EYS: variants seen among roughly 807,000 people sequenced by gnomAD.
EYS encodes protein eyes shut homolog.
Under a neutral mutation model 282.1 loss-of-function variants are expected in EYS, and 250 were observed. That is an observed-to-expected ratio of 0.89 (90% confidence interval 0.80 to 0.98). The LOEUF (loss-of-function observed/expected upper bound fraction) is 0.98. Ranked by LOEUF, EYS falls within the 50% of genes least tolerant of loss-of-function variation. EYS has a pLI of 0.00. For synonymous variants in EYS, 1,355 were observed against 1,282.9 expected (o/e 1.06, Z -1.20); for missense variants, 4,016 against 3,709.0 (o/e 1.08, Z -2.15).
intron 26 of EYS, among the ~76,000 whole-genome samples, chr6:64,474,692 G>A (rs915635698): frequency 6.6e-6 from 1 of 152,132 alleles, no homozygotes; most frequent in African/African-American, 2.4e-5. Flanking sequence ...TCAGAAGAAG[G>A]TCTTTGTTAA....
chr6:65,032,244 A>G (rs77580443), intron 13 of EYS, among the ~76,000 whole-genome samples: 2,378 of 152,310 alleles, frequency 0.016, 56 homozygotes, highest in African/African-American at 0.054. Context: ...AAATTGAATC[A>G]GAAAAGCCTA....
intron 41 of EYS, among the ~76,000 whole-genome samples, chr6:63,730,836 A>T (rs1014170020): frequency 6.6e-6 from 1 of 152,104 alleles, no homozygotes; most frequent in African/African-American, 2.4e-5. Flanking sequence ...CCTGGCCAAC[A>T]TGATGAAACC....
intron 5 of EYS, among the ~76,000 whole-genome samples, chr6:65,466,346 C>A (rs540952830): frequency 6.6e-6 from 1 of 151,620 alleles, no homozygotes; most frequent in African/African-American, 2.4e-5. Context: ...ATATAAAATA[C>A]GACATTAAGC....
At chr6:65,027,570 T>C (rs1772459596) in intron 13 of EYS, among the ~76,000 whole-genome samples, 1 of 152,328 alleles carries the variant, frequency 6.6e-6, no homozygotes, top group Non-Finnish European at 1.5e-5. Context: ...ACAATCCCAA[T>C]CTCAACTTTC....
chr6:64,183,338 G>A (rs985475797), intron 31 of EYS, among the ~76,000 whole-genome samples: 1 of 152,146 alleles, frequency 6.6e-6, no homozygotes, highest in Non-Finnish European at 1.5e-5. Context: ...AGCTAGATTA[G>A]TGCCCTACTC....
chr6:63,888,754 T>C (rs1309546717), intron 35 of EYS, among the ~76,000 whole-genome samples: 1 of 152,176 alleles, frequency 6.6e-6, no homozygotes, highest in East Asian at 1.9e-4. Flanking sequence ...CACAACTTCG[T>C]GTAAGCAAGG....
chr6:64,854,292 C>T (rs1765981188), intron 19 of EYS, among the ~76,000 whole-genome samples: 2 of 152,142 alleles, frequency 1.3e-5, no homozygotes, highest in South Asian at 2.1e-4. Flanking sequence ...TATAAAGACA[C>T]ATGCACATGT....
intron 13 of EYS, among the ~76,000 whole-genome samples, chr6:65,013,238 A>T (rs1304553618): frequency 6.6e-6 from 1 of 152,190 alleles, no homozygotes; most frequent in Non-Finnish European, 1.5e-5. Flanking sequence ...ATAATCTATT[A>T]CATAGCTGAA....
rs532848543 is a variant in EYS at position 64,073,754 on chromosome 6, T to TTA, written c.6572-7265_6572-7264dup. On this transcript the variant is annotated intron_variant, in intron 32 of 42. Transcript: ENST00000503581. ...TGTAGACATCAAGCAATGTGAATCT[T>TTA]TATATATATGTGTGTGTGTGTGCAT... Among the ~76,000 whole-genome samples, 529 of 151,678 alleles carry TTA rather than the reference T, an allele frequency of 3.5e-3. 3 individuals are homozygous for TTA. Among genetic ancestry groups the TTA allele is most frequent in the Non-Finnish European group, 4.2e-3 (287 of 67,718 alleles).
At chr6:64,502,014 C>G (rs1777061910) in intron 26 of EYS, among the ~76,000 whole-genome samples, 1 of 152,136 alleles carries the variant, frequency 6.6e-6, no homozygotes, top group Non-Finnish European at 1.5e-5. Context: ...TAATATAACA[C>G]CGATCTCATA....
intron 28 of EYS, among the ~76,000 whole-genome samples, chr6:64,395,287 T>G (rs1223699464): frequency 6.6e-6 from 1 of 152,146 alleles, no homozygotes; most frequent in African/African-American, 2.4e-5. Flanking sequence ...ACTGGGTATA[T>G]ACCCAAAGGA....
chr6:64,717,845 T>C (rs1436714641), intron 22 of EYS, among the ~76,000 whole-genome samples: 9 of 152,184 alleles, frequency 5.9e-5, no homozygotes, highest in Admixed American at 5.9e-4. Context: ...GGCCACACTA[T>C]GAGAGTCACT....
intron 12 of EYS, among the ~76,000 whole-genome samples, chr6:65,215,180 T>A (rs1046658386): frequency 5.9e-5 from 9 of 152,164 alleles, no homozygotes; most frequent in Non-Finnish European, 1.2e-4. Context: ...AGATAGTGAT[T>A]CCACTTATGG....
intron 12 of EYS, among the ~76,000 whole-genome samples, chr6:65,254,120 T>C (rs141373146): frequency 3.1e-4 from 47 of 152,006 alleles, no homozygotes; most frequent in African/African-American, 1.1e-3. Context: ...TTTATTTTGA[T>C]ACACAGATTT....
At chr6:64,160,209 A>AT (rs1338799521) in intron 31 of EYS, among the ~76,000 whole-genome samples, 3 of 152,294 alleles carry the variant, frequency 2.0e-5, no homozygotes, top group African/African-American at 7.2e-5. Flanking sequence ...CACTTTTGGG[A>AT]TATGGGAACA....
intron 12 of EYS, among the ~76,000 whole-genome samples, chr6:65,197,259 G>T (rs188428779): frequency 6.6e-6 from 1 of 152,218 alleles, no homozygotes; most frequent in East Asian, 1.9e-4. Flanking sequence ...ATAAATACCA[G>T]GATGGACATA....
At chr6:64,405,272 A>G (rs1261711358) in intron 28 of EYS, among the ~76,000 whole-genome samples, 1 of 152,182 alleles carries the variant, frequency 6.6e-6, no homozygotes, top group Non-Finnish European at 1.5e-5. Context: ...TTGGGAAATT[A>G]GAACAAAGTT....
chr6:63,970,984 G>A (rs1222698254), intron 35 of EYS, among the ~76,000 whole-genome samples: 1 of 152,178 alleles, frequency 6.6e-6, no homozygotes, highest in Non-Finnish European at 1.5e-5. Context: ...CGTTTGAGAA[G>A]CAATATTAAG....
At chr6:64,627,762 ACTTT>A (rs1165311866) in intron 22 of EYS, among the ~76,000 whole-genome samples, 14 of 152,154 alleles carry the variant, frequency 9.2e-5, no homozygotes, top group Admixed American at 2.0e-4. Context: ...CTAGCTGAAG[ACTTT>A]CTTGACCAAC....
Sources: allele counts gnomAD v4.1 joint callset (sites outside exome capture counted in the v4.1 genomes callset), GRCh38; gene constraint gnomAD v4.1.1; transcripts MANE v1.5; gene names NCBI Gene and HGNC (gene_info 2026-07-23, HGNC 2026-07-21).